The following ROBO2 variants were observed in gnomAD, a reference collection of about 807,000 sequenced individuals.
The protein encoded by ROBO2 is roundabout homolog 2.
A neutral mutation model predicts 160.8 loss-of-function variants in ROBO2; 53 were observed. The ratio of observed to expected loss-of-function variants is 0.33; its 90% CI spans 0.26 to 0.41. The LOEUF (loss-of-function observed/expected upper bound fraction) is 0.41, where lower values mean the gene tolerates loss of function less well. Ranked by LOEUF, ROBO2 falls within the 10% of genes least tolerant of loss-of-function variation. ROBO2 has a pLI of 1.00. For synonymous variants in ROBO2, 664 were observed against 611.7 expected (o/e 1.09, Z -1.26); for missense variants, 1,577 against 1,722.4 (o/e 0.92, Z 1.49).
chr3:76,619,651 TATC>T (rs1365627871), intron 2 of ROBO2, among the ~76,000 whole-genome samples: 1 of 152,142 alleles, frequency 6.6e-6, no homozygotes, highest in East Asian at 1.9e-4. Context: ...TGAAGGACAT[TATC>T]ATTATGTATT....
chr3:77,039,593 C>A (rs1290018883), upstream of ROBO2, among the ~76,000 whole-genome samples: 1 of 152,144 alleles, frequency 6.6e-6, no homozygotes, highest in East Asian at 1.9e-4. Flanking sequence ...GCCCGGTGGC[C>A]TCGGCCCTCG....
At chr3:77,293,218 G>A (rs546070535) in intron 2 of ROBO2, among the ~76,000 whole-genome samples, 1 of 151,424 alleles carries the variant, frequency 6.6e-6, no homozygotes, top group African/African-American at 2.4e-5. Flanking sequence ...CGGGTAAGCT[G>A]AGGCTAGATC....
chr3:76,953,107 A>G (rs1181110735), intron 2 of ROBO2, among the ~76,000 whole-genome samples: 1 of 152,162 alleles, frequency 6.6e-6, no homozygotes, highest in East Asian at 1.9e-4. Flanking sequence ...GTTGATTTTG[A>G]TTTAGAATCT....
At chr3:77,349,130 G>A (rs1476574822) in intron 2 of ROBO2, among the ~76,000 whole-genome samples, 1 of 152,018 alleles carries the variant, frequency 6.6e-6, no homozygotes, top group East Asian at 1.9e-4. Context: ...TGCTAGATGA[G>A]AGCCTTGAAT....
rs114796168 is a variant in ROBO2 at position 76,499,532 on chromosome 3, G to A, written c.109+561930G>A. Reference sequence around the variant, plus strand: ...CTCAAGTCCTAAATTATTCCTTCTGGACAAACATTATGGAAAAGAAATCAA... The same window carrying A: ...CTCAAGTCCTAAATTATTCCTTCTGAACAAACATTATGGAAAAGAAATCAA... On this transcript the variant is annotated intron_variant, in intron 2 of 26. Coordinates refer to the ROBO2 transcript ENST00000487694. Among the ~76,000 whole-genome samples, 754 of 152,130 alleles carry A rather than the reference G, an allele frequency of 5.0e-3. 6 individuals are homozygous for A. Among genetic ancestry groups the A allele is most frequent in the African/African-American group, 0.017 (698 of 41,498 alleles).
intron 2 of ROBO2, among the ~76,000 whole-genome samples, chr3:76,165,085 A>C (rs2106947176): frequency 6.6e-6 from 1 of 152,302 alleles, no homozygotes; most frequent in South Asian, 2.1e-4. Flanking sequence ...GGGAAAAAAT[A>C]GAGCTGAAGC....
intron 2 of ROBO2, among the ~76,000 whole-genome samples, chr3:76,960,123 C>T (rs28561749): frequency 2.0e-5 from 3 of 149,104 alleles, no homozygotes; most frequent in African/African-American, 7.7e-5. Flanking sequence ...TTGTTTTTGA[C>T]ATTTCTCATC....
chr3:76,933,602 C>A (rs1049731903), intron 2 of ROBO2, among the ~76,000 whole-genome samples: 1 of 152,122 alleles, frequency 6.6e-6, no homozygotes, highest in Non-Finnish European at 1.5e-5. Context: ...CAGAAGTCTG[C>A]GTTGTAGCTA....
At chr3:77,357,181 A>G (rs62251254) in intron 2 of ROBO2, among the ~76,000 whole-genome samples, 22,951 of 152,144 alleles carry the variant, frequency 0.15, 2,056 homozygotes, top group Middle Eastern at 0.23. Flanking sequence ...GTGTCACCCA[A>G]AGTTCATGTG....
intron 2 of ROBO2, among the ~76,000 whole-genome samples, chr3:75,964,367 A>G (rs1164570273): frequency 2.0e-5 from 3 of 151,718 alleles, no homozygotes; most frequent in Admixed American, 1.3e-4. Context: ...TTCCTTTAAA[A>G]ATATAATTAT....
intron 2 of ROBO2, among the ~76,000 whole-genome samples, chr3:76,964,924 A>G (rs2079960307): frequency 1.3e-5 from 2 of 152,336 alleles, no homozygotes; most frequent in South Asian, 2.1e-4. Context: ...CAATGACTGA[A>G]AAACATTTTC....
intron 2 of ROBO2, among the ~76,000 whole-genome samples, chr3:76,683,985 G>A (rs9862796): frequency 0.54 from 82,040 of 151,756 alleles, 22,986 homozygotes; most frequent in East Asian, 0.76. Context: ...TTAGATTCTA[G>A]AAAGACTTTG....
At chr3:76,854,055 T>TGC (rs2069745382) in intron 2 of ROBO2, among the ~76,000 whole-genome samples, 2 of 91,900 alleles carry the variant, frequency 2.2e-5, no homozygotes, top group African/African-American at 7.6e-5. Context: ...TCTCTCTCTC[T>TGC]CTCTCTCTCT....
chr3:77,281,094 GC>G, intron 2 of ROBO2, among the ~76,000 whole-genome samples: 1 of 152,102 alleles, frequency 6.6e-6, no homozygotes, highest in Admixed American at 6.6e-5. Flanking sequence ...TATCAGAAAG[GC>G]CTTATGAGCC....
At chr3:76,776,992 C>G (rs1341766619) in intron 2 of ROBO2, among the ~76,000 whole-genome samples, 1 of 144,902 alleles carries the variant, frequency 6.9e-6, no homozygotes, top group Non-Finnish European at 1.5e-5. Context: ...AAGTGAATAA[C>G]TTATTCAGTG....
intron 2 of ROBO2, among the ~76,000 whole-genome samples, chr3:76,252,102 A>G (rs921361379): frequency 6.6e-6 from 1 of 152,070 alleles, no homozygotes; most frequent in African/African-American, 2.4e-5. Context: ...GAAGTAACTT[A>G]ATAAGCAATT....
chr3:76,686,124 G>T (rs554441845), intron 2 of ROBO2, among the ~76,000 whole-genome samples: 2 of 152,214 alleles, frequency 1.3e-5, no homozygotes, highest in East Asian at 1.9e-4. Flanking sequence ...CTTCAGTTTA[G>T]TGGGAAGACA....
At chr3:76,016,131 T>C (rs1469891871) in intron 2 of ROBO2, among the ~76,000 whole-genome samples, 2 of 152,098 alleles carry the variant, frequency 1.3e-5, no homozygotes, top group African/African-American at 4.8e-5. Context: ...ATAAAAATTA[T>C]ACCCCATTTT....
At position 77,398,351 on chromosome 3, in the gene ROBO2, TTTC is replaced by T. The variant is rs2075472025; in HGVS notation, c.389-79057_389-79055del. 2.0e-5 allele frequency among the ~76,000 whole-genome samples: 3 copies of T among 151,568 alleles called. No individual in the cohort carries two copies. In the Admixed American group the frequency reaches 2.0e-4, roughly 10 times the overall value. ...GAAGCCAAGATGCCAAGCTGAGGAGTTTCTTCTTTATTTTATTAACTTTGCCAG... is the reference window on the plus strand; with the variant it reads ...GAAGCCAAGATGCCAAGCTGAGGAGTTTCTTTATTTTATTAACTTTGCCAG... On this transcript the variant is annotated intron_variant, in intron 2 of 25. Transcript: ENST00000461745.
Sources: allele counts gnomAD v4.1 joint callset (sites outside exome capture counted in the v4.1 genomes callset), GRCh38; gene constraint gnomAD v4.1.1; transcripts MANE v1.5; gene names NCBI Gene and HGNC (gene_info 2026-07-23, HGNC 2026-07-21).